The following NUP133 variants were observed in gnomAD, a reference collection of about 807,000 sequenced individuals.
NUP133 encodes the protein nucleoporin 133.
A neutral mutation model predicts 146.2 loss-of-function variants in NUP133; 66 were observed. The observed-to-expected ratio is 0.45, with a 90% CI of 0.37 to 0.55. NUP133 has a LOEUF of 0.55. NUP133 is among the 20% of genes least tolerant of loss of function. The pLI is 0.00. For missense variants in NUP133, 1,277 were observed against 1,374.8 expected (o/e 0.93, Z 1.12); for synonymous variants, 521 against 498.8 (o/e 1.04, Z -0.59).
chr1:229,489,936 T>A lies in NUP133; in HGVS notation c.1194+19A>T. 1 of 1,545,570 alleles carries A rather than the reference T, an allele frequency of 6.5e-7. No individual in the cohort carries two copies. The highest frequency in any genetic ancestry group is 8.8e-7 in the Non-Finnish European group (1 of 1,140,990). On this transcript the variant is annotated intron_variant, in intron 9 of 25. Transcript: ENST00000261396. ...CTCAACATATTATTGCTTTGTAATT[T>A]AACCAATATAAATCTTACCTGAAAA... is the stretch of plus-strand genomic sequence containing the variant.
intron 14 of NUP133, among the ~76,000 whole-genome samples, chr1:229,474,128 G>C (rs943100258): frequency 1.2e-4 from 19 of 152,128 alleles, no homozygotes; most frequent in African/African-American, 4.6e-4. Flanking sequence ...CGACTAAATG[G>C]AGGAGAACCA....
In NUP133 at chr1:229,464,815, T is replaced by C. The variant is rs200267062; in HGVS notation, c.2360A>G (p.Lys787Arg). ...GCTGTCTGCCTGTGGATAAGCCACC[T>C]TCAGGACAATCTCATGCTGGCGTAT... ...VIIRQHEIVL[K>R]VAYPQADSNL... Residue 787 changes from lysine (K) to arginine (R), a missense_variant, in exon 18 of 26, where the codon AAG (lysine) becomes AGG (arginine). Lys to Arg is a conservative substitution (Grantham distance 26). Around this residue, in one of 3 missense-constraint regions of NUP133, gnomAD observed 952 missense variants for 1,047.0 expected, o/e 0.91. Coordinates refer to ENST00000261396, the MANE Select transcript of NUP133 (RefSeq NM_018230.3). 1.3e-4 allele frequency: 206 copies of C among 1,614,200 alleles called. No individual in the cohort carries two copies. The highest frequency in any genetic ancestry group is 8.4e-5 in the Non-Finnish European group (99 of 1,180,036).
intron 12 of NUP133, among the ~76,000 whole-genome samples, chr1:229,483,377 A>G (rs1276280503): frequency 6.6e-6 from 1 of 152,138 alleles, no homozygotes; most frequent in Non-Finnish European, 1.5e-5. Flanking sequence ...CTGGAATTAC[A>G]GGTGTGAGCC....
Position 229,470,627 on chromosome 1 carries a change from A to G in NUP133, c.2029T>C (p.Tyr677His), listed in dbSNP as rs574823773. 3.1e-6 allele frequency: 5 copies of G among 1,614,124 alleles called. No homozygotes were observed. In the Admixed American group the frequency reaches 6.7e-5, roughly 22 times the overall value. The change falls in exon 15 of 26, where the codon TAT (tyrosine) becomes CAT (histidine). Residue 677 changes from tyrosine (Y) to histidine (H), a missense_variant. Around this residue, in one of 3 missense-constraint regions of NUP133, gnomAD observed 952 missense variants for 1,047.0 expected, o/e 0.91. Coordinates refer to ENST00000261396, the MANE Select transcript of NUP133 (RefSeq NM_018230.3). ...GGAGTCAGGTTGGATGGGATTTCAT[A>G]CTCCCTCTTGTTCAAAGCAATCAAT... ...AILIALNKRE[Y>H]EIPSNLTPAD...
rs994585324 is a variant in NUP133, at chr1:229,441,870, A to G, written c.*34T>C. On this transcript the variant is annotated 3_prime_UTR_variant, in exon 26 of 26. Coordinates refer to ENST00000261396, the MANE Select transcript of NUP133 (RefSeq NM_018230.3). ...AATTTGTATAAGGACACACTTATACAGATTTCATAAACAATGGCCATTTTT... is the reference window on the plus strand; with the variant it reads ...AATTTGTATAAGGACACACTTATACGGATTTCATAAACAATGGCCATTTTT... The G allele has an allele frequency of 6.6e-7, 1 of 1,521,664 alleles. No individual in the cohort carries two copies. Among genetic ancestry groups the G allele is most frequent in the African/African-American group, 1.4e-5 (1 of 70,766 alleles). 94.3% of individuals were successfully genotyped at this position (1,521,664 alleles called of 1,614,324 possible). A position where few individuals can be genotyped will look rare whatever the true frequency, so the allele number is the denominator to read the frequency against.
chr1:229,489,524 A>G (rs1661456462), intron 9 of NUP133, among the ~76,000 whole-genome samples: 1 of 152,244 alleles, frequency 6.6e-6, no homozygotes. Flanking sequence ...GTCTAGAAAC[A>G]AGCTATTTTA....
chr1:229,474,423 AAG>A (rs1192098923), intron 14 of NUP133, among the ~76,000 whole-genome samples: 1 of 152,238 alleles, frequency 6.6e-6, no homozygotes, highest in African/African-American at 2.4e-5. Context: ...ATAACAAAAA[AAG>A]AGAGACTCAA....
At chr1:229,495,438 TC>T in intron 8 of NUP133, 56 bp downstream of exon 8, 1 of 1,187,276 alleles carries the variant, frequency 8.4e-7, no homozygotes, top group African/African-American at 1.5e-5. Flanking sequence ...ATTATAAACA[TC>T]AACTTATTTT....
chr1:229,503,052 G>A (rs1661844544), intron 2 of NUP133, among the ~76,000 whole-genome samples: 2 of 152,086 alleles, frequency 1.3e-5, no homozygotes, highest in African/African-American at 4.8e-5. Flanking sequence ...TGGATCATGA[G>A]GTCAGGAGTT....
chr1:229,494,744 C>G (rs114067373), intron 8 of NUP133, among the ~76,000 whole-genome samples: 613 of 152,278 alleles, frequency 4.0e-3, no homozygotes, highest in Non-Finnish European at 5.7e-3. Context: ...CAAGACAAAG[C>G]CTTATCCCAT....
intron 11 of NUP133, among the ~76,000 whole-genome samples, chr1:229,485,716 AT>A (rs974769634): frequency 2.6e-5 from 4 of 152,246 alleles, no homozygotes; most frequent in African/African-American, 9.6e-5. Flanking sequence ...ATGGAGAAAA[AT>A]ACCAGAATAA....
intron 16 of NUP133, 26 bp from the exon 17 acceptor site, chr1:229,465,545 A>AT: frequency 6.6e-7 from 1 of 1,515,606 alleles, no homozygotes; most frequent in Non-Finnish European, 9.2e-7. Context: ...ATGTGTTATC[A>AT]CATGCAAAAG....
intron 9 of NUP133, 54 bp downstream of exon 9, chr1:229,489,898 GGTT>G: frequency 7.0e-7 from 1 of 1,422,536 alleles, no homozygotes; most frequent in Non-Finnish European, 9.4e-7. Context: ...ACCCTGAAAT[GGTT>G]AGAAAAATAC....
chr1:229,472,307 A>G (rs1487529791), intron 14 of NUP133, among the ~76,000 whole-genome samples: 2 of 144,338 alleles, frequency 1.4e-5, no homozygotes, highest in Non-Finnish European at 3.0e-5. Flanking sequence ...CGACAGAGCG[A>G]GACTCCGTCT....
At chr1:229,459,432 T>TCTCC (rs1660644131) in intron 20 of NUP133, among the ~76,000 whole-genome samples, 1 of 152,160 alleles carries the variant, frequency 6.6e-6, no homozygotes, top group African/African-American at 2.4e-5. Context: ...CTCCGGCCCA[T>TCTCC]CTCCCCTTTT....
At chr1:229,472,707 C>CATACATATATATATATATATAT (rs58951309) in intron 14 of NUP133, among the ~76,000 whole-genome samples, 3 of 124,316 alleles carry the variant, frequency 2.4e-5, no homozygotes, top group African/African-American at 6.3e-5. Context: ...ACTAAATATA[C>CATACATATATATATATATATAT]ATATATATAT....
intron 12 of NUP133, among the ~76,000 whole-genome samples, chr1:229,483,427 C>T (rs1212479735): frequency 6.6e-6 from 1 of 152,030 alleles, no homozygotes; most frequent in African/African-American, 2.4e-5. Context: ...ACCAATAAAA[C>T]TTTGCATGCG....
intron 8 of NUP133, among the ~76,000 whole-genome samples, chr1:229,494,533 T>C (rs1294572049): frequency 2.0e-5 from 3 of 152,226 alleles, no homozygotes; most frequent in Admixed American, 6.5e-5. Flanking sequence ...TTACTAGTTA[T>C]ATATTTGGAT....
At chr1:229,458,073 T>G (rs776148098) in intron 21 of NUP133, 88 bp downstream of exon 21, 59 of 1,366,188 alleles carry the variant, frequency 4.3e-5, no homozygotes, top group Non-Finnish European at 5.7e-5. Context: ...TTCTAAGAGA[T>G]AGATCCTGCT....
Sources: gnomAD v4.1 joint callset for allele counts (sites outside exome capture counted in the v4.1 genomes callset) on GRCh38, gnomAD v4.1.1 for gene constraint, gnomAD v4.1.1 regional missense constraint, MANE v1.5 for transcripts, NCBI Gene and HGNC (gene_info 2026-07-23, HGNC 2026-07-21) for gene names.